Variants in CNTNAP2 observed in about 807,000 individuals in gnomAD.
The protein encoded by CNTNAP2 is contactin-associated protein-like 2.
CNTNAP2 carries 98 observed loss-of-function variants against 155.2 expected under a neutral mutation model. The ratio of observed to expected loss-of-function variants is 0.63; its 90% CI spans 0.54 to 0.75. CNTNAP2 has a LOEUF of 0.75. CNTNAP2 is among the 30% of genes least tolerant of loss of function. The pLI is 0.00. For missense variants in CNTNAP2, 1,727 were observed against 1,688.1 expected (o/e 1.02, Z -0.40); for synonymous variants, 651 against 631.2 (o/e 1.03, Z -0.47).
intron 1 of CNTNAP2, among the ~76,000 whole-genome samples, chr7:146,204,169 T>A (rs1033265439): frequency 3.3e-5 from 5 of 152,112 alleles, no homozygotes; most frequent in African/African-American, 9.7e-5. Context: ...AGATCTAAAT[T>A]ATCTATTCTA....
chr7:147,102,066 T>C (rs1800668229), intron 4 of CNTNAP2, among the ~76,000 whole-genome samples: 1 of 152,044 alleles, frequency 6.6e-6, no homozygotes, highest in Admixed American at 6.5e-5. Flanking sequence ...GTTAATACAA[T>C]AGGCAACATG....
intron 1 of CNTNAP2, among the ~76,000 whole-genome samples, chr7:146,714,535 C>A (rs778214559): frequency 7.9e-5 from 12 of 152,124 alleles, no homozygotes; most frequent in Non-Finnish European, 1.6e-4. Flanking sequence ...GGTTAACAAA[C>A]CTATTTATAA....
chr7:147,530,507 G>GA (rs565881518), intron 11 of CNTNAP2, among the ~76,000 whole-genome samples: 57 of 152,128 alleles, frequency 3.7e-4, no homozygotes, highest in African/African-American at 1.1e-3. Flanking sequence ...GCAGTGGCAA[G>GA]AAAAAATGAA....
At chr7:147,777,086 G>A (rs1797595810) in intron 13 of CNTNAP2, among the ~76,000 whole-genome samples, 1 of 151,944 alleles carries the variant, frequency 6.6e-6, no homozygotes, top group Non-Finnish European at 1.5e-5. Flanking sequence ...GCTTTATGAT[G>A]ACTATGCTTA....
At chr7:146,677,936 ATC>A (rs1415093989) in intron 1 of CNTNAP2, among the ~76,000 whole-genome samples, 1 of 152,060 alleles carries the variant, frequency 6.6e-6, no homozygotes, top group African/African-American at 2.4e-5. Flanking sequence ...CCACGCTCAT[ATC>A]TCTCTGGGCC....
chr7:146,648,546 A>G (rs551986170), intron 1 of CNTNAP2, among the ~76,000 whole-genome samples: 1 of 152,230 alleles, frequency 6.6e-6, no homozygotes, highest in South Asian at 2.1e-4. Flanking sequence ...TATCTTATAA[A>G]TGTATGAAGA....
intron 13 of CNTNAP2, among the ~76,000 whole-genome samples, chr7:147,901,309 G>T (rs1318466479): frequency 1.3e-5 from 2 of 152,120 alleles, no homozygotes; most frequent in Admixed American, 6.5e-5. Flanking sequence ...AATCATGCTA[G>T]TTCCCTGCTT....
At chr7:147,546,988 GT>G (rs1281009736) in intron 11 of CNTNAP2, among the ~76,000 whole-genome samples, 5 of 152,170 alleles carry the variant, frequency 3.3e-5, no homozygotes, top group Non-Finnish European at 7.3e-5. Flanking sequence ...TGCTGTATCT[GT>G]GATTAGCTAA....
intron 3 of CNTNAP2, among the ~76,000 whole-genome samples, chr7:147,021,158 C>T (rs1195482156): frequency 6.6e-6 from 1 of 152,128 alleles, no homozygotes; most frequent in Non-Finnish European, 1.5e-5. Flanking sequence ...TGTGGCCCAA[C>T]ACCAATTTGT....
intron 3 of CNTNAP2, among the ~76,000 whole-genome samples, chr7:146,990,211 T>C (rs1798186645): frequency 1.3e-5 from 2 of 152,176 alleles, no homozygotes; most frequent in Admixed American, 1.3e-4. Flanking sequence ...GATGAAAACT[T>C]TGGCATTATC....
At chr7:146,235,711 C>T (rs561979546) in intron 1 of CNTNAP2, among the ~76,000 whole-genome samples, 1 of 152,214 alleles carries the variant, frequency 6.6e-6, no homozygotes, top group Non-Finnish European at 1.5e-5. Context: ...AGAAAACTCT[C>T]AGCCCGTTGG....
chr7:146,218,414 C>T (rs1799151254), intron 1 of CNTNAP2, among the ~76,000 whole-genome samples: 1 of 152,026 alleles, frequency 6.6e-6, no homozygotes, highest in Non-Finnish European at 1.5e-5. Flanking sequence ...GAGGCTGAGG[C>T]AGGAGAATGG....
chr7:147,866,760 T>TG (rs1554443341), intron 13 of CNTNAP2, among the ~76,000 whole-genome samples: 1 of 27,852 alleles, frequency 3.6e-5, no homozygotes, highest in Non-Finnish European at 8.6e-5. Flanking sequence ...GTTTTTTTTT[T>TG]GTTTTTTGTT....
intron 1 of CNTNAP2, among the ~76,000 whole-genome samples, chr7:146,542,530 C>T (rs1797967658): frequency 6.6e-6 from 1 of 151,840 alleles, no homozygotes; most frequent in African/African-American, 2.4e-5. Context: ...CTGCTAAGGC[C>T]ATCTTATCAG....
chr7:147,977,801 A>G, intron 14 of CNTNAP2, 61 bp from the exon 15 acceptor site: 2 of 1,609,708 alleles, frequency 1.2e-6, no homozygotes, highest in Non-Finnish European at 1.7e-6. Context: ...AGCAACTAGC[A>G]GAAAATTCAT....
chr7:147,956,300 C>CAAAA (rs11302995), intron 14 of CNTNAP2, among the ~76,000 whole-genome samples: 1 of 139,218 alleles, frequency 7.2e-6, no homozygotes, highest in Non-Finnish European at 1.6e-5. Context: ...TGGCAGGGGG[C>CAAAA]AAAAAAAAAA....
intron 15 of CNTNAP2, among the ~76,000 whole-genome samples, chr7:148,096,428 C>T (rs2116572675): frequency 6.6e-6 from 1 of 152,054 alleles, no homozygotes; most frequent in Middle Eastern, 3.4e-3. Flanking sequence ...TACATGAAAT[C>T]ATAGAAATTT....
chr7:147,682,924 G>A (rs1372919339), intron 13 of CNTNAP2, among the ~76,000 whole-genome samples: 1 of 151,742 alleles, frequency 6.6e-6, no homozygotes, highest in African/African-American at 2.4e-5. Context: ...AGGACATAAA[G>A]CAATTTGAAA....
chr7:147,561,725 C>G (rs1308939094), intron 11 of CNTNAP2, among the ~76,000 whole-genome samples: 1 of 151,982 alleles, frequency 6.6e-6, no homozygotes, highest in Non-Finnish European at 1.5e-5. Context: ...AAGAGAGAGG[C>G]AGAGAGAGTG....
Sources: allele counts gnomAD v4.1 joint callset (sites outside exome capture counted in the v4.1 genomes callset), GRCh38; gene constraint gnomAD v4.1.1; transcripts MANE v1.5; gene names NCBI Gene and HGNC (gene_info 2026-07-23, HGNC 2026-07-21).